Variants in HIVEP3 observed in about 807,000 individuals in gnomAD.
The protein encoded by HIVEP3 is transcription factor HIVEP3.
In HIVEP3, 49 loss-of-function variants were observed where a neutral mutation model predicts 152.8. The ratio of observed to expected loss-of-function variants is 0.32; its 90% confidence interval spans 0.26 to 0.41. The LOEUF (loss-of-function observed/expected upper bound fraction) is 0.41, where lower values mean the gene tolerates loss of function less well. Among genes scored for constraint, HIVEP3 ranks in the 10% least tolerant of loss-of-function variants. The pLI is 1.00. For missense variants in HIVEP3, 2,790 were observed against 3,103.3 expected, an observed-to-expected ratio of 0.90 and a Z score of 2.40; for synonymous variants, 1,269 against 1,289.0, an observed-to-expected ratio of 0.98 and a Z score of 0.33.
At chr1:41,974,797 G>A (rs1414245610) in intron 1 of HIVEP3, among the ~76,000 whole-genome samples, 1 of 152,016 alleles carries the variant, frequency 6.6e-6, no homozygotes, top group African/African-American at 2.4e-5. Flanking sequence ...GAGAGCAGAG[G>A]CCGTACCTAT....
chr1:41,600,207 C>T (rs1314265087), intron 3 of HIVEP3, among the ~76,000 whole-genome samples: 2 of 152,180 alleles, frequency 1.3e-5, no homozygotes, highest in African/African-American at 2.4e-5. Flanking sequence ...CCAGCAATTC[C>T]CCTTCTGGGT....
chr1:41,587,827 A>G (rs773218428), intron 3 of HIVEP3, among the ~76,000 whole-genome samples: 1 of 152,164 alleles, frequency 6.6e-6, no homozygotes, highest in Non-Finnish European at 1.5e-5. Context: ...CTCAATTAAT[A>G]GAAGTTCTCT....
At chr1:41,540,619 G>T (rs1342602953) in intron 5 of HIVEP3, among the ~76,000 whole-genome samples, 1 of 152,172 alleles carries the variant, frequency 6.6e-6, no homozygotes, top group African/African-American at 2.4e-5. Flanking sequence ...AAGATTACAG[G>T]AGAAACAGGG....
chr1:41,650,011 G>A (rs1050314227), intron 2 of HIVEP3, among the ~76,000 whole-genome samples: 2 of 152,038 alleles, frequency 1.3e-5, no homozygotes, highest in Non-Finnish European at 2.9e-5. Context: ...GCCGGGAACG[G>A]AAACGGAAAA....
intron 5 of HIVEP3, among the ~76,000 whole-genome samples, chr1:41,548,725 G>A (rs535229851): frequency 1.3e-3 from 205 of 152,028 alleles, no homozygotes; most frequent in African/African-American, 4.8e-3. Flanking sequence ...TAGTAAAGAC[G>A]GGGTTTTACC....
intron 1 of HIVEP3, among the ~76,000 whole-genome samples, chr1:41,751,997 C>T (rs1442396694): frequency 1.3e-5 from 2 of 152,204 alleles, no homozygotes; most frequent in African/African-American, 2.4e-5. Flanking sequence ...CTCACTCCAC[C>T]TTCTTTATAG....
Position 41,780,990 on chromosome 1 carries a change from C to T in HIVEP3, c.-800-79995G>A, listed in dbSNP as rs138473839. On this transcript the variant is annotated intron_variant, in intron 1 of 8. Transcript: ENST00000372583. ...AGAATTTTAATTACAAGTTCTTGTT[C>T]CCCCATTGTTCGTGATTTTGTTAAC... Among the ~76,000 whole-genome samples, 412 of 152,276 alleles carry T rather than the reference C, an allele frequency of 2.7e-3. 1 individual carries two copies. The highest frequency in any genetic ancestry group is 9.3e-3 in the African/African-American group (385 of 41,560).
chr1:41,835,924 A>G (rs16828739), intron 1 of HIVEP3, among the ~76,000 whole-genome samples: 17,602 of 152,188 alleles, frequency 0.12, 1,291 homozygotes, highest in East Asian at 0.31. Flanking sequence ...TGTTCCTCAC[A>G]CTTTCACCAA....
At position 41,823,499 on chromosome 1, in the gene HIVEP3, G is replaced by A. The variant is rs1642667630; in HGVS notation, c.-801+94914C>T. ...CCAAAGCCCATGTTCTGTGCCACAT[G>A]CCAAGAGGCTTTTTGGCCATCTCCT... On this transcript the variant is annotated intron_variant, in intron 1 of 8. Transcript: ENST00000372583. Among the ~76,000 whole-genome samples, 2 of 152,334 alleles carry A rather than the reference G, an allele frequency of 1.3e-5. 1 individual carries two copies. The highest frequency in any genetic ancestry group is 4.1e-4 in the South Asian group (2 of 4,826).
At chr1:41,843,212 A>AT (rs963629109) in intron 1 of HIVEP3, among the ~76,000 whole-genome samples, 4 of 152,256 alleles carry the variant, frequency 2.6e-5, no homozygotes, top group Middle Eastern at 3.2e-3. Context: ...GATACACTCC[A>AT]TAACACATTG....
rs779666459 is a variant in HIVEP3 at position 41,510,795 on chromosome 1, G to A, written c.6877C>T (p.Pro2293Ser). 3 of 1,610,954 alleles carry A rather than the reference G, an allele frequency of 1.9e-6. No individual in the cohort carries two copies. The highest frequency in any genetic ancestry group is 2.2e-5 in the East Asian group (1 of 44,830). The part of the protein sequence containing the change: ...GGPGRPPDWT[P>S]HGTGAPAEPT... ...TCTGCAGGTGCCCCGGTCCCATGGGGTGTCCAGTCAGGAGGCCTGCCCGGG... is the reference window on the plus strand; with the variant it reads ...TCTGCAGGTGCCCCGGTCCCATGGGATGTCCAGTCAGGAGGCCTGCCCGGG... The change falls in exon 9 of 9, where the codon CCC becomes TCC. Residue 2293 changes from proline (P) to serine (S), a missense_variant. Physicochemically the swap from Pro to Ser is moderately conservative, Grantham distance 74. Coordinates refer to ENST00000372583, the MANE Select transcript of HIVEP3 (RefSeq NM_024503.5).
chr1:41,600,735 C>G (rs1464216508), intron 3 of HIVEP3, among the ~76,000 whole-genome samples: 1 of 152,148 alleles, frequency 6.6e-6, no homozygotes, highest in Non-Finnish European at 1.5e-5. Context: ...TTAACAGGCA[C>G]TACAAGCAAG....
chr1:41,911,679 C>A (rs1189029810), intron 1 of HIVEP3, among the ~76,000 whole-genome samples: 1 of 152,084 alleles, frequency 6.6e-6, no homozygotes, highest in Non-Finnish European at 1.5e-5. Flanking sequence ...ATATAAACTG[C>A]CATATATTCA....
chr1:41,787,553 T>TA (rs1558269034), intron 1 of HIVEP3, among the ~76,000 whole-genome samples: 1 of 146,006 alleles, frequency 6.8e-6, no homozygotes, highest in Non-Finnish European at 1.5e-5. Context: ...TTTTTTTTTT[T>TA]AATGGGATTT....
chr1:41,851,591 A>G (rs1643602858), intron 1 of HIVEP3, among the ~76,000 whole-genome samples: 1 of 152,168 alleles, frequency 6.6e-6, no homozygotes, highest in African/African-American at 2.4e-5. Flanking sequence ...GTGAACCATC[A>G]TGTCCAGATG....
intron 5 of HIVEP3, among the ~76,000 whole-genome samples, chr1:41,534,997 C>T (rs116661324): frequency 2.6e-5 from 4 of 152,268 alleles, no homozygotes; most frequent in African/African-American, 9.6e-5. Context: ...TGAGACACGG[C>T]AGAGCACGGT....
chr1:41,695,625 T>C (rs115805935), intron 2 of HIVEP3, among the ~76,000 whole-genome samples: 2 of 151,902 alleles, frequency 1.3e-5, no homozygotes, highest in East Asian at 1.9e-4. Context: ...GTGCCCAGAT[T>C]TGGGGGGTCA....
intron 2 of HIVEP3, among the ~76,000 whole-genome samples, chr1:41,683,169 C>A (rs1430400468): frequency 6.6e-6 from 1 of 152,216 alleles, no homozygotes; most frequent in African/African-American, 2.4e-5. Context: ...GGAACCTGCA[C>A]TTTAAGGCTG....
At chr1:41,915,416 T>G (rs1644856126) in intron 1 of HIVEP3, among the ~76,000 whole-genome samples, 1 of 152,190 alleles carries the variant, frequency 6.6e-6, no homozygotes. Flanking sequence ...TTACTGATAC[T>G]TGATAAAAGA....
Sources: allele counts gnomAD v4.1 joint callset (sites outside exome capture counted in the v4.1 genomes callset), GRCh38; gene constraint gnomAD v4.1.1; transcripts MANE v1.5; gene names NCBI Gene and HGNC (gene_info 2026-07-23, HGNC 2026-07-21).